The following CFAP69 variants were observed in gnomAD, a reference collection of about 807,000 sequenced individuals.
CFAP69 encodes the protein cilia- and flagella-associated protein 69.
In CFAP69, 92 loss-of-function variants were observed where a neutral mutation model predicts 123.0. The ratio of observed to expected loss-of-function variants is 0.75; its 90% CI spans 0.63 to 0.89. The LOEUF (loss-of-function observed/expected upper bound fraction) is 0.89. CFAP69 is among the 40% of genes least tolerant of loss of function. The pLI is 0.00. For synonymous variants in CFAP69, 380 were observed against 364.3 expected (o/e 1.04, Z -0.49); for missense variants, 1,067 against 1,096.9 (o/e 0.97, Z 0.39).
chr7:90,289,285 G>A (rs546828407), intron 15 of CFAP69, among the ~76,000 whole-genome samples: 2 of 152,182 alleles, frequency 1.3e-5, no homozygotes, highest in Non-Finnish European at 2.9e-5. Context: ...GTAGTGTGGA[G>A]GTTTCTCCTT....
intron 17 of CFAP69, chr7:90,300,279 AT>A (rs1364482379): frequency 3.2e-6 from 3 of 925,816 alleles, no homozygotes; most frequent in African/African-American, 4.4e-5. Context: ...AAGAAATGGT[AT>A]TTAATTATAT....
At chr7:90,321,520 G>A in the CFAP69 span, among the ~76,000 whole-genome samples, 54 of 152,246 alleles carry the variant, frequency 3.5e-4, no homozygotes, top group African/African-American at 1.3e-3. Flanking sequence ...GGTCTTCTTC[G>A]CTCTCTCCTT....
rs1792219029 is a variant in CFAP69 at position 90,297,819 on chromosome 7, G to T, written c.1846G>T (p.Asp616Tyr). 2 of 1,574,430 alleles carry T rather than the reference G, an allele frequency of 1.3e-6. No homozygotes were observed. The highest frequency in any genetic ancestry group is 1.4e-5 in the African/African-American group (1 of 71,676). Residue 616 changes from aspartate to tyrosine, a missense_variant, in exon 16 of 23, where the codon GAT becomes TAT. Transcript: ENST00000389297. Reference protein sequence around the residue: ...LEKEGIFLLLDLLALNQKKFC... With the variant: ...LEKEGIFLLLYLLALNQKKFC... ...AAAGGAAGGCATTTTTCTCCTTTTG[G>T]ATTTGTTAGCAGTAAGTATGGCTAT...
downstream of CFAP69, chr7:90,312,882 G>C (rs777461360): frequency 6.6e-6 from 1 of 152,178 alleles, no homozygotes; most frequent in African/African-American, 2.4e-5. Flanking sequence ...TAAAAGTGTG[G>C]AATTCAGTGA....
chr7:90,303,729 G>T, intron 17 of CFAP69: 1 of 1,061,820 alleles, frequency 9.4e-7, no homozygotes. Flanking sequence ...AAGTAATTTT[G>T]TGAAATTTTA....
intron 6 of CFAP69, among the ~76,000 whole-genome samples, chr7:90,271,277 C>T (rs944442070): frequency 6.6e-6 from 1 of 152,130 alleles, no homozygotes; most frequent in African/African-American, 2.4e-5. Flanking sequence ...CTGTTTATTA[C>T]TGCTTTCTTG....
chr7:90,249,705 A>G (rs1796740373), intron 1 of CFAP69, among the ~76,000 whole-genome samples: 1 of 152,058 alleles, frequency 6.6e-6, no homozygotes, highest in Non-Finnish European at 1.5e-5. Flanking sequence ...GTGCTTCTCA[A>G]ATTTTAATGT....
chr7:90,322,758 A>T, the CFAP69 span, among the ~76,000 whole-genome samples: 3 of 152,196 alleles, frequency 2.0e-5, no homozygotes, highest in East Asian at 3.8e-4. Context: ...AGAATATTCT[A>T]ATATTAGAAT....
In CFAP69 at chr7:90,245,319, C is replaced by G. The variant is rs1298427171; in HGVS notation, c.-106C>G. The G allele has an allele frequency of 7.2e-7, 1 of 1,398,328 alleles. No individual in the cohort carries two copies. Among genetic ancestry groups the G allele is most frequent in the Non-Finnish European group, 9.3e-7 (1 of 1,073,106 alleles). 86.6% of individuals were successfully genotyped at this position (1,398,328 alleles called of 1,614,324 possible). On this transcript the variant is annotated 5_prime_UTR_variant, in exon 1 of 23. Transcript: ENST00000389297. ...GACCTTTCGCGACTCTAGCGACTCT[C>G]AGGCTGCCTTCCCTTCTCGGTGGCG... is the stretch of plus-strand genomic sequence containing the variant.
At chr7:90,319,895 T>A in the CFAP69 span, 2 of 396,568 alleles carry the variant, frequency 5.0e-6, no homozygotes, top group Non-Finnish European at 8.9e-6. Flanking sequence ...TCTAAATTAC[T>A]GATTATCACA....
Position 90,255,475 on chromosome 7 carries a change from C to G in CFAP69, c.173C>G (p.Thr58Ser). The G allele has an allele frequency of 6.2e-7, 1 of 1,611,824 alleles. No homozygotes were observed. The highest frequency in any genetic ancestry group is 8.5e-7 in the Non-Finnish European group (1 of 1,178,580). ...CGTGTCATCAAACTCCTCGAAGAGACTGATAAAGTGAGTAAGCTTTGAGAG... is the reference window on the plus strand; with the variant it reads ...CGTGTCATCAAACTCCTCGAAGAGAGTGATAAAGTGAGTAAGCTTTGAGAG... ...LNRVIKLLEETDKDGLEEKQL... is the reference protein window; with the variant it reads ...LNRVIKLLEESDKDGLEEKQL... The change falls in exon 2 of 23, where the codon ACT (threonine) becomes AGT (serine). Residue 58 changes from threonine (T) to serine (S), a missense_variant. Physicochemically the swap from Thr to Ser is moderately conservative, Grantham distance 58 (BLOSUM62 1). Transcript: ENST00000389297.
Position 90,280,643 on chromosome 7 carries a change from T to A in CFAP69, c.1372+750T>A, listed in dbSNP as rs17869451. 8.1e-3 allele frequency among the ~76,000 whole-genome samples: 1,239 copies of A among 152,318 alleles called. 16 individuals carry two copies. The highest frequency in any genetic ancestry group is 0.029 in the African/African-American group (1,186 of 41,564). On this transcript the variant is annotated intron_variant, in intron 12 of 22. Coordinates refer to ENST00000389297, the MANE Select transcript of CFAP69 (RefSeq NM_001039706.3). Reference sequence around the variant, plus strand: ...TTCTCTATGGAGCTTAAAATCTAGATCTCTAGCCAGAAGTAATGACTCCAG... The same window carrying A: ...TTCTCTATGGAGCTTAAAATCTAGAACTCTAGCCAGAAGTAATGACTCCAG...
intron 17 of CFAP69, chr7:90,303,292 G>A (rs996112641): frequency 1.3e-5 from 2 of 150,968 alleles, no homozygotes; most frequent in South Asian, 2.1e-4. Context: ...CCCTCTTCCT[G>A]TTTGGATGCT....
chr7:90,245,787 C>CT (rs1796254486), intron 1 of CFAP69, among the ~76,000 whole-genome samples: 2 of 152,176 alleles, frequency 1.3e-5, no homozygotes, highest in Non-Finnish European at 2.9e-5. Flanking sequence ...TGTGGTCCTC[C>CT]TGGAGGGTCC....
intron 17 of CFAP69, chr7:90,300,578 TGA>T (rs954030356): frequency 7.0e-6 from 3 of 428,144 alleles, no homozygotes; most frequent in Non-Finnish European, 9.4e-6. Context: ...TCTAAATTAA[TGA>T]GACTTACAGT....
chr7:90,283,521 G>A (rs1584456598), intron 13 of CFAP69, among the ~76,000 whole-genome samples: 3 of 151,900 alleles, frequency 2.0e-5, no homozygotes, highest in Admixed American at 2.0e-4. Context: ...GCTTACACTT[G>A]ACTATGCTAG....
rs764619574 is a variant in CFAP69, at chr7:90,297,780, G to T, written c.1807G>T (p.Asp603Tyr). The T allele has an allele frequency of 3.8e-6, 6 of 1,573,028 alleles. No homozygotes were observed. Among genetic ancestry groups the T allele is most frequent in the East Asian group, 2.3e-5 (1 of 42,862 alleles). The change falls in exon 16 of 23, where the codon GAT becomes TAT. Residue 603 changes from aspartate (D) to tyrosine (Y), a missense_variant. Coordinates refer to ENST00000389297, the MANE Select transcript of CFAP69 (RefSeq NM_001039706.3). ...TATTTTGGGATGTTATCCCTCAGAGGATTATTTTCTTGAAAAGGAAGGCAT... is the reference window on the plus strand; with the variant it reads ...TATTTTGGGATGTTATCCCTCAGAGTATTATTTTCTTGAAAAGGAAGGCAT... ...CCILGCYPSE[D>Y]YFLEKEGIFL...
At chr7:90,298,545 T>C (rs1792328419) in intron 16 of CFAP69, among the ~76,000 whole-genome samples, 1 of 152,226 alleles carries the variant, frequency 6.6e-6, no homozygotes, top group African/African-American at 2.4e-5. Flanking sequence ...ATTAACAGAA[T>C]AACAAACCTA....
intron 1 of CFAP69, among the ~76,000 whole-genome samples, chr7:90,253,693 G>C (rs781655372): frequency 1.3e-5 from 2 of 152,056 alleles, no homozygotes; most frequent in Non-Finnish European, 2.9e-5. Flanking sequence ...GGCCGGCCTT[G>C]TTTTGCTATT....
Sources: gnomAD v4.1 joint callset for allele counts (sites outside exome capture counted in the v4.1 genomes callset) on GRCh38, gnomAD v4.1.1 for gene constraint, MANE v1.5 for transcripts, NCBI Gene and HGNC (gene_info 2026-07-23, HGNC 2026-07-21) for gene names.